The following HVCN1 variants were observed in gnomAD, a reference collection of about 807,000 sequenced individuals.
HVCN1 encodes the protein hydrogen voltage gated channel 1.
Under a neutral mutation model 29.2 loss-of-function variants are expected in HVCN1, and 14 were observed. The ratio of observed to expected loss-of-function variants is 0.48; its 90% CI spans 0.32 to 0.75. The LOEUF (loss-of-function observed/expected upper bound fraction) is 0.75. Ranked by LOEUF, HVCN1 falls within the 30% of genes least tolerant of loss-of-function variation. The pLI, the probability that HVCN1 is intolerant of heterozygous loss-of-function variation, is 0.04. For synonymous variants in HVCN1, 131 were observed against 133.2 expected (o/e 0.98, Z 0.11); for missense variants, 263 against 341.8 (o/e 0.77, Z 1.82).
chr12:110,701,434 G>A (rs1187153745), intron 2 of HVCN1, among the ~76,000 whole-genome samples: 1 of 152,160 alleles, frequency 6.6e-6, no homozygotes, highest in African/African-American at 2.4e-5. Flanking sequence ...TGGGCAGTGA[G>A]GCCCAGGACT....
At chr12:110,652,828 TG>T in intron 5 of HVCN1, among the ~76,000 whole-genome samples, 1 of 152,290 alleles carries the variant, frequency 6.6e-6, no homozygotes, top group African/African-American at 2.4e-5. Flanking sequence ...AGAGGATATT[TG>T]CATGCTACCA....
At chr12:110,653,116 G>C (rs1393362475) in intron 5 of HVCN1, among the ~76,000 whole-genome samples, 5 of 152,158 alleles carry the variant, frequency 3.3e-5, no homozygotes, top group Non-Finnish European at 5.9e-5. Flanking sequence ...TCTTCCAAGA[G>C]TCATTGTCAT....
chr12:110,690,824 G>C (rs981149863), upstream of HVCN1, among the ~76,000 whole-genome samples: 8 of 151,820 alleles, frequency 5.3e-5, no homozygotes, highest in Non-Finnish European at 2.9e-5. Flanking sequence ...GCATGATCTT[G>C]GCTCAGTGCA....
At chr12:110,666,658 G>A (rs1016652590) in intron 3 of HVCN1, among the ~76,000 whole-genome samples, 2 of 152,066 alleles carry the variant, frequency 1.3e-5, no homozygotes, top group African/African-American at 2.4e-5. Flanking sequence ...CTGTCCCTCT[G>A]ATGCTCCACA....
intron 3 of HVCN1, among the ~76,000 whole-genome samples, chr12:110,681,563 C>A (rs2068971770): frequency 6.6e-6 from 1 of 152,228 alleles, no homozygotes; most frequent in Non-Finnish European, 1.5e-5. Flanking sequence ...CTTAACCTTT[C>A]TTCCATGCTG....
At chr12:110,654,099 A>G (rs993142782) in intron 5 of HVCN1, among the ~76,000 whole-genome samples, 1 of 152,162 alleles carries the variant, frequency 6.6e-6, no homozygotes, top group African/African-American at 2.4e-5. Flanking sequence ...AGAGAAAAAA[A>G]GACAATAAGT....
Position 110,655,324 on chromosome 12 carries a change from G to A in HVCN1, c.321C>T (p.Cys107=), listed in dbSNP as rs764719563. 22 of 1,613,558 alleles carry A rather than the reference G, an allele frequency of 1.4e-5. No individual in the cohort carries two copies. In the Admixed American group the frequency reaches 2.3e-4, roughly 17 times the overall value. The part of the protein sequence containing the change: ...SSHRFQVIII[C]LVVLDALLVL... ...CCAGGAGGGCATCCAGAACCACCAA[G>A]CAGATGATGATGACCTGTGGGCCGA... Residue 107 remains cysteine, a synonymous_variant, in exon 5 of 8, where the codon TGC becomes TGT. Transcript: ENST00000242607.
chr12:110,704,435 GC>G (rs1190174247), intron 1 of HVCN1, among the ~76,000 whole-genome samples: 1 of 151,910 alleles, frequency 6.6e-6, no homozygotes. Context: ...GATTGCTTAA[GC>G]CCAGGAGTTT....
upstream of HVCN1, among the ~76,000 whole-genome samples, chr12:110,691,997 G>T (rs2136498600): frequency 6.6e-6 from 1 of 152,328 alleles, no homozygotes; most frequent in East Asian, 1.9e-4. Context: ...GCATTGTCGT[G>T]TTTACTGAAA....
At chr12:110,666,448 A>G (rs2068360611) in intron 3 of HVCN1, among the ~76,000 whole-genome samples, 1 of 152,086 alleles carries the variant, frequency 6.6e-6, no homozygotes. Context: ...AAAAGAAAAG[A>G]AAAGATCAAT....
chr12:110,670,570 G>T (rs1383841632), intron 3 of HVCN1, among the ~76,000 whole-genome samples: 1 of 152,102 alleles, frequency 6.6e-6, no homozygotes, highest in Non-Finnish European at 1.5e-5. Context: ...CATCCTTTAG[G>T]GTCCTGGTGA....
chr12:110,694,035 G>A (rs1310946709), upstream of HVCN1, among the ~76,000 whole-genome samples: 5 of 152,062 alleles, frequency 3.3e-5, no homozygotes, highest in African/African-American at 1.2e-4. This position sits in a 1 kb window ranked among gnomAD's most constrained non-coding sequence, Gnocchi z 4.6. Context: ...GAATTTTCTG[G>A]GTGTCCTGCC....
At chr12:110,695,962 T>TC (rs1448204762) in intron 2 of HVCN1, among the ~76,000 whole-genome samples, 4 of 151,282 alleles carry the variant, frequency 2.6e-5, no homozygotes, top group African/African-American at 9.7e-5. Context: ...ATTTTTTTTT[T>TC]TTTTTTTGAG....
chr12:110,704,494 TA>T (rs796364272), intron 1 of HVCN1, among the ~76,000 whole-genome samples: 509 of 140,726 alleles, frequency 3.6e-3, no homozygotes, highest in Middle Eastern at 0.011. Flanking sequence ...TACCAATAAT[TA>T]AAAAAAAAAA....
At chr12:110,684,628 G>A (rs1374659317) in intron 2 of HVCN1, among the ~76,000 whole-genome samples, 3 of 152,156 alleles carry the variant, frequency 2.0e-5, no homozygotes, top group Non-Finnish European at 4.4e-5. Context: ...ATCACTCTTC[G>A]CAGTGGTTAT....
intron 3 of HVCN1, among the ~76,000 whole-genome samples, chr12:110,663,429 C>G (rs1294030758): frequency 2.0e-5 from 3 of 151,490 alleles, no homozygotes; most frequent in Non-Finnish European, 4.4e-5. Context: ...AGGCAAGACC[C>G]TGTCTGCAGA....
chr12:110,704,042 T>C (rs1282919034), intron 1 of HVCN1, among the ~76,000 whole-genome samples: 1 of 152,146 alleles, frequency 6.6e-6, no homozygotes, highest in Admixed American at 6.5e-5. Flanking sequence ...TTGGGACCTC[T>C]CCAGTTTGAT....
intron 3 of HVCN1, among the ~76,000 whole-genome samples, chr12:110,677,380 ACTT>A (rs2068784060): frequency 6.6e-6 from 1 of 152,000 alleles, no homozygotes; most frequent in African/African-American, 2.4e-5. Flanking sequence ...TGCACACGTG[ACTT>A]CTTTTGCGTA....
At chr12:110,650,353 A>G in intron 6 of HVCN1, 73 bp from the exon 7 acceptor site, 1 of 882,358 alleles carries the variant, frequency 1.1e-6, no homozygotes, top group Non-Finnish European at 1.9e-6. Flanking sequence ...CTGTATTCTT[A>G]CACCTGTATA....
Sources: gnomAD v4.1 joint callset for allele counts (sites outside exome capture counted in the v4.1 genomes callset) on GRCh38, gnomAD v4.1.1 for gene constraint, Gnocchi (gnomAD v3.1) non-coding constraint, MANE v1.5 for transcripts, NCBI Gene and HGNC (gene_info 2026-07-23, HGNC 2026-07-21) for gene names.